Variants in FYCO1 observed in about 807,000 individuals in gnomAD.
FYCO1 encodes FYVE and coiled-coil domain autophagy adaptor 1, also known as FYVE and coiled-coil domain-containing protein 1.
A neutral mutation model predicts 165.1 loss-of-function variants in FYCO1; 122 were observed. That is an observed-to-expected ratio of 0.74 (90% confidence interval 0.64 to 0.86). The LOEUF (loss-of-function observed/expected upper bound fraction) is 0.86, where lower values mean the gene tolerates loss of function less well. FYCO1 is among the 40% of genes least tolerant of loss of function. FYCO1 has a pLI of 0.00. For missense variants in FYCO1, 1,702 were observed against 1,810.3 expected (o/e 0.94, Z 1.09); for synonymous variants, 648 against 742.5 (o/e 0.87, Z 2.07).
intron 13 of FYCO1, among the ~76,000 whole-genome samples, chr3:45,957,573 A>T (rs1273349727): frequency 6.6e-6 from 1 of 152,270 alleles, no homozygotes; most frequent in East Asian, 1.9e-4. Context: ...CTTAAAAAAC[A>T]TTTTAAAATG....
intron 4 of FYCO1, among the ~76,000 whole-genome samples, chr3:45,977,375 ATATATATATATATATATATATATATAT>A (rs1706819719): frequency 5.4e-5 from 1 of 18,528 alleles, no homozygotes; most frequent in Non-Finnish European, 1.2e-4. Flanking sequence ...ATATATATAT[ATATATATATATATATATATATATATAT>A]ATATAAAGGG....
intron 11 of FYCO1, among the ~76,000 whole-genome samples, chr3:45,959,753 G>T (rs183550388): frequency 6.6e-6 from 1 of 152,172 alleles, no homozygotes; most frequent in Non-Finnish European, 1.5e-5. Flanking sequence ...GAGAACATGC[G>T]GGAGGCAAAA....
intron 7 of FYCO1, 102 bp from the exon 8 acceptor site, chr3:45,968,805 AT>A: frequency 3.0e-6 from 4 of 1,338,296 alleles, no homozygotes; most frequent in Non-Finnish European, 4.2e-6. Flanking sequence ...AAATACAGGC[AT>A]TACCTGCCCT....
At chr3:45,979,879 C>T in intron 3 of FYCO1, 49 bp from the exon 4 acceptor site, 1 of 1,607,816 alleles carries the variant, frequency 6.2e-7, no homozygotes. Flanking sequence ...CACTGCTCTT[C>T]ATTCCGGCAT....
chr3:45,970,277 G>A (rs978581013), intron 6 of FYCO1, among the ~76,000 whole-genome samples: 3 of 152,304 alleles, frequency 2.0e-5, no homozygotes, highest in African/African-American at 4.8e-5. Context: ...GAAATACAAA[G>A]GCTTGTGTGA....
Position 45,921,573 on chromosome 3 carries a change from G to A in FYCO1, c.*192C>T, listed in dbSNP as rs1353848105. 6.4e-5 allele frequency: 39 copies of A among 605,208 alleles called. No homozygotes were observed. Among genetic ancestry groups the A allele is most frequent in the South Asian group, 6.2e-4 (34 of 55,030 alleles). The allele number at this position is 605,208 out of a possible 1,614,324, so 37.5% of individuals were successfully genotyped here. ...GGAAACATTGCCTGAGCCCTTCAAC[G>A]CCTCGGGGGCTAAGAGTGGCCGGTG... On this transcript the variant is annotated 3_prime_UTR_variant, in exon 18 of 18. Transcript: ENST00000296137.
Position 45,931,294 on chromosome 3 carries a change from T to C in FYCO1, c.4041-13A>G, listed in dbSNP as rs1703612096. 1 of 1,612,128 alleles carries C rather than the reference T, an allele frequency of 6.2e-7. No individual in the cohort carries two copies. The highest frequency in any genetic ancestry group is 2.2e-5 in the East Asian group (1 of 44,872). On this transcript the variant is annotated splice_polypyrimidine_tract_variant and intron_variant, in intron 15 of 17. Coordinates refer to ENST00000296137, the MANE Select transcript of FYCO1 (RefSeq NM_024513.4). ...GGGTACTTTGATCCTAAAATAAAAA[T>C]ACAGAGAGGGACCTGATTGACTGGG...
At chr3:45,963,690 A>G (rs1705829992) in intron 10 of FYCO1, among the ~76,000 whole-genome samples, 1 of 152,218 alleles carries the variant, frequency 6.6e-6, no homozygotes, top group Non-Finnish European at 1.5e-5. Context: ...TCTTTTCTTA[A>G]TCAGGTCCTG....
intron 17 of FYCO1, among the ~76,000 whole-genome samples, chr3:45,923,421 G>A (rs1423040698): frequency 2.0e-5 from 3 of 152,186 alleles, no homozygotes; most frequent in Admixed American, 6.5e-5. Flanking sequence ...CTGTGACTTA[G>A]GAGTGTCACT....
At chr3:45,926,524 G>A (rs1703326201) in intron 16 of FYCO1, among the ~76,000 whole-genome samples, 1 of 152,222 alleles carries the variant, frequency 6.6e-6, no homozygotes, top group Non-Finnish European at 1.5e-5. Flanking sequence ...TGGTAGAATT[G>A]CAAGGAGAGA....
At position 45,964,639 on chromosome 3, in the gene FYCO1, T is replaced by TGCA; in HGVS notation, c.3151-186_3151-185insTGC. 1.3e-6 allele frequency: 1 copy of TGCA among 791,764 alleles called. No homozygotes were observed. Among genetic ancestry groups the TGCA allele is most frequent in the Non-Finnish European group, 1.5e-6 (1 of 653,076 alleles). 49.0% of individuals were successfully genotyped at this position (791,764 alleles called of 1,614,324 possible). A position where few individuals can be genotyped will look rare whatever the true frequency, so the allele number is the denominator to read the frequency against. On this transcript the variant is annotated intron_variant, in intron 9 of 17. Transcript: ENST00000296137. This position sits in a 1 kb window ranked among gnomAD's most constrained non-coding sequence, Gnocchi z 4.1. ...TTGTGGGGCCTCAACTGCAACTAGTTGTGGTGGTTGGCAAGTGGCAGGTAC... is the reference window on the plus strand; with the variant it reads ...TTGTGGGGCCTCAACTGCAACTAGTTGCAGTGGTGGTTGGCAAGTGGCAGGTAC...
chr3:45,952,874 T>C (rs1012947978), intron 14 of FYCO1, among the ~76,000 whole-genome samples: 2 of 152,004 alleles, frequency 1.3e-5, no homozygotes, highest in African/African-American at 4.8e-5. Flanking sequence ...GGAGGCAGAG[T>C]GTGGCTTAGT....
chr3:45,971,885 A>G (rs925464553), intron 6 of FYCO1, among the ~76,000 whole-genome samples: 1 of 152,212 alleles, frequency 6.6e-6, no homozygotes, highest in African/African-American at 2.4e-5. Flanking sequence ...TATCAATGCT[A>G]ATTTTCTGAT....
chr3:45,954,954 G>T (rs1378729798), intron 14 of FYCO1, among the ~76,000 whole-genome samples: 3 of 152,128 alleles, frequency 2.0e-5, no homozygotes, highest in Non-Finnish European at 4.4e-5. Context: ...CCCGGTCTGC[G>T]GTATTTTATA....
At chr3:45,965,544 A>G (rs1471236842) in intron 8 of FYCO1, among the ~76,000 whole-genome samples, 1 of 152,136 alleles carries the variant, frequency 6.6e-6, no homozygotes, top group African/African-American at 2.4e-5. Flanking sequence ...CGCTGTCTTC[A>G]CTCTAGACAG....
Position 45,967,671 on chromosome 3 carries a change from G to T in FYCO1, c.1663C>A (p.Arg555=). Residue 555 remains arginine (R), a synonymous_variant, in exon 8 of 18, where the codon CGG becomes AGG. Coordinates refer to ENST00000296137, the MANE Select transcript of FYCO1 (RefSeq NM_024513.4). ...TCTGGGCCAGGCGGCCCAGCAAGCC[G>T]CTCGAGCATACCCACCTGCTGGCTG... ...HLSQQVGMLE[R]LAGPPGPELP... is the part of the protein sequence containing the mutation. 2 of 1,613,842 alleles carry T rather than the reference G, an allele frequency of 1.2e-6. No individual in the cohort carries two copies. Among genetic ancestry groups the T allele is most frequent in the South Asian group, 1.1e-5 (1 of 91,090 alleles).
intron 14 of FYCO1, among the ~76,000 whole-genome samples, chr3:45,954,082 G>GCCTTC (rs1705179058): frequency 6.6e-6 from 1 of 152,190 alleles, no homozygotes; most frequent in African/African-American, 2.4e-5. Context: ...TTTGGGCCTT[G>GCCTTC]CCTTCCCTTC....
At chr3:45,961,823 T>A (rs1262624342) in intron 11 of FYCO1, among the ~76,000 whole-genome samples, 1 of 152,150 alleles carries the variant, frequency 6.6e-6, no homozygotes, top group African/African-American at 2.4e-5. Flanking sequence ...AAAATTTCCA[T>A]AAGGAAAAGT....
rs146311777 is a variant in FYCO1, at chr3:45,968,465, C to A, written c.869G>T (p.Arg290Leu). ...RGRTAAEDNV[R>L]LTCLVAELQK... ...GAGCTCAGCTACCAAGCAAGTGAGG[C>A]GAACGTTGTCCTCCGCTGCAGTGCG... The change falls in exon 8 of 18, where the codon CGC (arginine) becomes CTC (leucine). Residue 290 changes from arginine to leucine, a missense_variant. By Grantham distance (102) the Arg-to-Leu change is moderately radical. Coordinates refer to ENST00000296137, the MANE Select transcript of FYCO1 (RefSeq NM_024513.4). 1 of 1,614,042 alleles carries A rather than the reference C, an allele frequency of 6.2e-7. No homozygotes were observed. Among genetic ancestry groups the A allele is most frequent in the Non-Finnish European group, 8.5e-7 (1 of 1,180,054 alleles).
Sources: gnomAD v4.1 joint callset for allele counts (sites outside exome capture counted in the v4.1 genomes callset) on GRCh38, gnomAD v4.1.1 for gene constraint, Gnocchi (gnomAD v3.1) non-coding constraint, MANE v1.5 for transcripts, NCBI Gene and HGNC (gene_info 2026-07-23, HGNC 2026-07-21) for gene names.